Variants in AHCTF1 observed in about 807,000 individuals in gnomAD.
AHCTF1 encodes the protein AT-hook containing transcription factor 1.
Under a neutral mutation model 248.4 loss-of-function variants are expected in AHCTF1, and 24 were observed. That is an observed-to-expected ratio of 0.10 (90% CI 0.07 to 0.14). The LOEUF (loss-of-function observed/expected upper bound fraction) is 0.14, where lower values mean the gene tolerates loss of function less well. AHCTF1 is among the 10% of genes least tolerant of loss of function. AHCTF1 has a pLI of 1.00. For missense variants in AHCTF1, 2,206 were observed against 2,636.2 expected (o/e 0.84, Z 3.57); for synonymous variants, 786 against 929.8 (o/e 0.85, Z 2.81).
At chr1:246,914,193 A>G (rs1665993768) in intron 3 of AHCTF1, among the ~76,000 whole-genome samples, 1 of 152,152 alleles carries the variant, frequency 6.6e-6, no homozygotes, top group Non-Finnish European at 1.5e-5. Context: ...CTATTAATTC[A>G]TAAAAATTAA....
chr1:246,902,560 C>T lies in AHCTF1; in HGVS notation c.1082G>A (p.Arg361Gln), dbSNP rs768685968. 6.2e-6 allele frequency: 10 copies of T among 1,611,418 alleles called. No individual in the cohort carries two copies. Among genetic ancestry groups the T allele is most frequent in the African/African-American group, 4.0e-5 (3 of 74,820 alleles). The change falls in exon 8 of 36, where the codon CGA becomes CAA. Residue 361 changes from arginine (R) to glutamine (Q), a missense_variant. By Grantham distance (43) the Arg-to-Gln change is conservative (BLOSUM62 1). Transcript: ENST00000648844. ...LLGCQSIEKF[R>Q]SHGDREEGVN... ...GCCTTCCTCCCTGTCACCATGAGAT[C>T]GAAATTTCTCTATACTCTGGCATCC...
chr1:246,919,657 G>A (rs1490299257), intron 1 of AHCTF1, among the ~76,000 whole-genome samples: 1 of 148,022 alleles, frequency 6.8e-6, no homozygotes, highest in Admixed American at 6.8e-5. Flanking sequence ...AGGTTGCAGT[G>A]AGCCTCACTG....
chr1:246,894,627 TTC>T lies in AHCTF1; in HGVS notation c.1804+30_1804+31del, dbSNP rs746784410. ...CCAAGGTTAGTATTTTAATATTAAA[TTC>T]TGTCCTACATCTAGACCTCTAATAC... On this transcript the variant is annotated intron_variant, in intron 14 of 35. Coordinates refer to ENST00000648844, the MANE Select transcript of AHCTF1 (RefSeq NM_001323342.2). The T allele has an allele frequency of 1.3e-5, 20 of 1,524,192 alleles. No individual in the cohort carries two copies. The African/African-American group carries it at 1.8e-4, about 14-fold the overall frequency. 94.4% of individuals were successfully genotyped at this position (1,524,192 alleles called of 1,614,324 possible).
chr1:246,921,022 A>G (rs544952974), intron 1 of AHCTF1, among the ~76,000 whole-genome samples: 1 of 151,964 alleles, frequency 6.6e-6, no homozygotes, highest in African/African-American at 2.4e-5. Flanking sequence ...AACCTGGGAG[A>G]AGGAGGTTGC....
intron 33 of AHCTF1, among the ~76,000 whole-genome samples, chr1:246,846,737 CATAT>C (rs58110440): frequency 1.3e-5 from 2 of 150,778 alleles, no homozygotes; most frequent in Non-Finnish European, 3.0e-5. Flanking sequence ...TATACATATA[CATAT>C]ATATATTTTT....
In AHCTF1 at chr1:246,861,777, T is replaced by C. The variant is rs367958551; in HGVS notation, c.3735+182A>G. Among the ~76,000 whole-genome samples the C allele has an allele frequency of 4.6e-5, 7 of 152,366 alleles. No individual in the cohort carries two copies. The South Asian group carries it at 1.2e-3, about 27-fold the overall frequency. On this transcript the variant is annotated intron_variant, in intron 28 of 35. Transcript: ENST00000648844. ...TTATCTGTAAGATGATGGGTTTGGC[T>C]TAGCCAATGGCCCTAGTGTTTCTTT...
In AHCTF1 at chr1:246,877,050, G is replaced by A; in HGVS notation, c.2837C>T (p.Ala946Val). Residue 946 changes from alanine to valine, a missense_variant, in exon 23 of 36, where the codon GCC becomes GTC. Around this residue, in one of 6 missense-constraint regions of AHCTF1, gnomAD observed 955 missense variants for 1,055.6 expected, o/e 0.90. Transcript: ENST00000648844. Reference protein sequence around the residue: ...ECLVKFLQSSASVQNHEFLLV... With the variant: ...ECLVKFLQSSVSVQNHEFLLV... Reference sequence around the variant, plus strand: ...AAGGAATTCATGATTCTGAACGCTGGCACTGGACTGCAAAAATTTCACTAA... The same window carrying A: ...AAGGAATTCATGATTCTGAACGCTGACACTGGACTGCAAAAATTTCACTAA... The A allele has an allele frequency of 6.2e-7, 1 of 1,612,144 alleles. No individual in the cohort carries two copies. The highest frequency in any genetic ancestry group is 8.5e-7 in the Non-Finnish European group (1 of 1,179,964).
At position 246,855,721 on chromosome 1, in the gene AHCTF1, TATAC is replaced by T; in HGVS notation, c.4354+5_4354+8del. 6.3e-7 allele frequency: 1 copy of T among 1,596,214 alleles called. No homozygotes were observed. The highest frequency in any genetic ancestry group is 8.6e-7 in the Non-Finnish European group (1 of 1,169,502). On this transcript the variant is annotated splice_donor_5th_base_variant and intron_variant, in intron 31 of 35. Transcript: ENST00000648844. ...GGAATAATCCTGAAGTCAAAATTATTATACATACATTTATTGTCATTTGCTCTAA... is the reference window on the plus strand; with the variant it reads ...GGAATAATCCTGAAGTCAAAATTATTATACATTTATTGTCATTTGCTCTAA...
intron 1 of AHCTF1, among the ~76,000 whole-genome samples, chr1:246,929,454 TAGA>T (rs1305833122): frequency 2.7e-5 from 4 of 150,016 alleles, no homozygotes; most frequent in Middle Eastern, 3.4e-3. Flanking sequence ...ACATTGGATT[TAGA>T]AGGAGGACCT....
chr1:246,908,492 TCA>T (rs1486789635), intron 4 of AHCTF1, among the ~76,000 whole-genome samples: 2 of 152,066 alleles, frequency 1.3e-5, no homozygotes, highest in African/African-American at 4.8e-5. Flanking sequence ...ACATTGTGTT[TCA>T]GAGTGACCAG....
rs114114245 is a variant in AHCTF1 at position 246,864,245 on chromosome 1, T to C, written c.3348-129A>G. The C allele has an allele frequency of 5.9e-3, 5,691 of 962,116 alleles. 27 individuals are homozygous for C. The highest frequency in any genetic ancestry group is 7.3e-3 in the Non-Finnish European group (4,799 of 659,314). The allele number at this position is 962,116 out of a possible 1,614,324, so 59.6% of individuals were successfully genotyped here. A position where few individuals can be genotyped will look rare whatever the true frequency, so the allele number is the denominator to read the frequency against. On this transcript the variant is annotated intron_variant, in intron 26 of 35. Coordinates refer to ENST00000648844, the MANE Select transcript of AHCTF1 (RefSeq NM_001323342.2). Reference sequence around the variant, plus strand: ...ATGCAAATACAGTCAAGTATATTAATGTAATCCAAAGTGCTACCATGCATT... The same window carrying C: ...ATGCAAATACAGTCAAGTATATTAACGTAATCCAAAGTGCTACCATGCATT...
intron 20 of AHCTF1, 94 bp downstream of exon 20, chr1:246,887,117 T>C: frequency 7.3e-7 from 1 of 1,374,340 alleles, no homozygotes; most frequent in Non-Finnish European, 9.8e-7. Context: ...TTTAGTAGAC[T>C]GTATCATATC....
At chr1:246,919,815 C>A (rs1242365661) in intron 1 of AHCTF1, among the ~76,000 whole-genome samples, 1 of 151,612 alleles carries the variant, frequency 6.6e-6, no homozygotes, top group African/African-American at 2.4e-5. Context: ...TCAAAGAATT[C>A]TTAAAGAATT....
At position 246,867,899 on chromosome 1, in the gene AHCTF1, C is replaced by G. The variant is rs540056502; in HGVS notation, c.3089-88G>C. 179 of 557,392 alleles carry G rather than the reference C, an allele frequency of 3.2e-4. 19 individuals are homozygous for G. The African/African-American group carries it at 7.4e-3, about 23-fold the overall frequency. The allele number at this position is 557,392 out of a possible 1,614,324, so 34.5% of individuals were successfully genotyped here. On this transcript the variant is annotated intron_variant, in intron 24 of 35. Transcript: ENST00000648844. ...TATGAAAGAATGATTACACCCCCCC[C>G]CCCACACACACACACACACACATTA...
chr1:246,871,873 A>G (rs1662613475), intron 24 of AHCTF1, among the ~76,000 whole-genome samples: 1 of 152,174 alleles, frequency 6.6e-6, no homozygotes, highest in Non-Finnish European at 1.5e-5. Flanking sequence ...TTAAAAAATA[A>G]TAACAACCTA....
chr1:246,877,695 C>A (rs777907891), intron 21 of AHCTF1, among the ~76,000 whole-genome samples: 1 of 152,036 alleles, frequency 6.6e-6, no homozygotes, highest in African/African-American at 2.4e-5. Context: ...GAAACAAGCA[C>A]GCTGTGTCCA....
In AHCTF1 at chr1:246,916,335, G is replaced by C; in HGVS notation, c.182C>G (p.Thr61Arg). The C allele has an allele frequency of 6.2e-7, 1 of 1,610,034 alleles. No homozygotes were observed. Among genetic ancestry groups the C allele is most frequent in the Non-Finnish European group, 8.5e-7 (1 of 1,177,680 alleles). Residue 61 changes from threonine (T) to arginine (R), a missense_variant, in exon 3 of 36, where the codon ACA becomes AGA. Physicochemically the swap from Thr to Arg is moderately conservative, Grantham distance 71. This residue lies in a region of AHCTF1 where 69 missense variants were observed against 85.4 expected (regional missense o/e 0.81). Coordinates refer to ENST00000648844, the MANE Select transcript of AHCTF1 (RefSeq NM_001323342.2). ...GPQLEVVNSI[T>R]GERLSAYRFS... is the part of the protein sequence containing the mutation. ...TCTGTAAGCAGACAATCGCTCTCCT[G>C]TTATAGAGTTTACTACCTCAAGTTG...
chr1:246,898,187 T>C (rs768401964), intron 12 of AHCTF1, 21 bp downstream of exon 12: 18 of 1,610,674 alleles, frequency 1.1e-5, no homozygotes, highest in South Asian at 8.8e-5. Flanking sequence ...AAAGAAACAA[T>C]AGAGTTAAAA....
At chr1:246,869,066 G>T (rs148954903) in intron 24 of AHCTF1, among the ~76,000 whole-genome samples, 1 of 151,056 alleles carries the variant, frequency 6.6e-6, no homozygotes, top group Non-Finnish European at 1.5e-5. Context: ...GGATGGTCTC[G>T]ATCTCCTGAC....
Sources: gnomAD v4.1 joint callset for allele counts (sites outside exome capture counted in the v4.1 genomes callset) on GRCh38, gnomAD v4.1.1 for gene constraint, gnomAD v4.1.1 regional missense constraint, MANE v1.5 for transcripts, NCBI Gene and HGNC (gene_info 2026-07-23, HGNC 2026-07-21) for gene names.